SKAP2: variants seen among roughly 807,000 people sequenced by gnomAD.
The protein encoded by SKAP2 is src kinase associated phosphoprotein 2.
A neutral mutation model predicts 54.9 loss-of-function variants in SKAP2; 28 were observed. The ratio of observed to expected loss-of-function variants is 0.51; its 90% confidence interval spans 0.38 to 0.70. SKAP2 has a LOEUF of 0.70. Among genes scored for constraint, SKAP2 ranks in the 30% least tolerant of loss-of-function variants. SKAP2 has a pLI of 0.00. For synonymous variants in SKAP2, 137 were observed against 134.3 expected (o/e 1.02, Z -0.14); for missense variants, 356 against 424.1 (o/e 0.84, Z 1.41).
intron 4 of SKAP2, among the ~76,000 whole-genome samples, chr7:26,835,180 T>C (rs181919700): frequency 2.6e-5 from 4 of 152,314 alleles, no homozygotes; most frequent in East Asian, 1.9e-4. Context: ...AAAGTAGGTA[T>C]TGATGGAATG....
intron 4 of SKAP2, among the ~76,000 whole-genome samples, chr7:26,784,344 C>T (rs513387): frequency 0.28 from 43,025 of 152,094 alleles, 7,451 homozygotes; most frequent in East Asian, 0.45. Context: ...ATCATTCAGA[C>T]CTAAGTTGAT....
intron 6 of SKAP2, among the ~76,000 whole-genome samples, chr7:26,731,477 T>G (rs1304689638): frequency 1.3e-5 from 2 of 152,218 alleles, no homozygotes; most frequent in Non-Finnish European, 2.9e-5. Flanking sequence ...CTTCTTACAT[T>G]ACACTCTCCC....
intron 11 of SKAP2, among the ~76,000 whole-genome samples, chr7:26,674,422 A>G (rs972713230): frequency 1.3e-5 from 2 of 152,198 alleles, no homozygotes; most frequent in Non-Finnish European, 2.9e-5. Flanking sequence ...ATTAACTCCG[A>G]TTAGAAACTT....
intron 4 of SKAP2, among the ~76,000 whole-genome samples, chr7:26,772,809 A>T (rs5012512): frequency 1.3e-5 from 2 of 151,994 alleles, no homozygotes; most frequent in Admixed American, 6.5e-5. Context: ...TAATTGGTGG[A>T]AGTTATAAAA....
At chr7:26,730,733 C>T (rs1787806024) in intron 6 of SKAP2, among the ~76,000 whole-genome samples, 1 of 152,176 alleles carries the variant, frequency 6.6e-6, no homozygotes, top group South Asian at 2.1e-4. Context: ...TAATTTTACA[C>T]AATCCTAATT....
intron 4 of SKAP2, among the ~76,000 whole-genome samples, chr7:26,796,095 T>A (rs1038428155): frequency 2.0e-5 from 3 of 152,168 alleles, no homozygotes; most frequent in Admixed American, 2.0e-4. Context: ...TTTACCACCA[T>A]AAAACATACA....
intron 11 of SKAP2, among the ~76,000 whole-genome samples, chr7:26,672,101 T>C (rs747913911): frequency 3.9e-5 from 6 of 151,968 alleles, no homozygotes; most frequent in African/African-American, 9.7e-5. Flanking sequence ...GTGACAGACA[T>C]AGAAAACATT....
At chr7:26,682,653 C>A (rs1041388989) in intron 11 of SKAP2, among the ~76,000 whole-genome samples, 6 of 152,154 alleles carry the variant, frequency 3.9e-5, no homozygotes, top group Admixed American at 6.5e-5. Flanking sequence ...TCAAGCCTTG[C>A]AAAACACTGG....
In SKAP2 at chr7:26,676,916, G is replaced by C. The variant is rs186480849; in HGVS notation, c.988-6724C>G. Reference sequence around the variant, plus strand: ...AGGAGCAATACATGGCAGGCGTGAAGGCCTGCAGAGATAAAAGAATGTGCT... The same window carrying C: ...AGGAGCAATACATGGCAGGCGTGAACGCCTGCAGAGATAAAAGAATGTGCT... On this transcript the variant is annotated intron_variant, in intron 11 of 12. Transcript: ENST00000345317. Among the ~76,000 whole-genome samples, 12 of 152,324 alleles carry C rather than the reference G, an allele frequency of 7.9e-5. No individual in the cohort carries two copies. The East Asian group carries it at 1.9e-3, about 24-fold the overall frequency.
At chr7:26,655,114 C>A in the SKAP2 span, among the ~76,000 whole-genome samples, 1 of 152,208 alleles carries the variant, frequency 6.6e-6, no homozygotes, top group East Asian at 1.9e-4. Flanking sequence ...CAGTGACTTA[C>A]AGGTAAGAAG....
At chr7:26,756,199 CT>C (rs1782789313) in intron 4 of SKAP2, among the ~76,000 whole-genome samples, 1 of 152,078 alleles carries the variant, frequency 6.6e-6, no homozygotes, top group Admixed American at 6.6e-5. Flanking sequence ...TTTTATTATA[CT>C]TTAAGTTCGG....
At chr7:26,672,169 G>A (rs538922346) in intron 11 of SKAP2, among the ~76,000 whole-genome samples, 49 of 152,110 alleles carry the variant, frequency 3.2e-4, no homozygotes, top group African/African-American at 1.2e-3. Flanking sequence ...CCTCAATCTG[G>A]GGGTCAATGC....
chr7:26,657,434 C>A, the SKAP2 span, among the ~76,000 whole-genome samples: 1 of 152,154 alleles, frequency 6.6e-6, no homozygotes, highest in Non-Finnish European at 1.5e-5. Flanking sequence ...AAAGGCTTCT[C>A]ATTATAGCAT....
intron 4 of SKAP2, among the ~76,000 whole-genome samples, chr7:26,807,378 TAGTG>T (rs370662415): frequency 1.2e-3 from 186 of 152,280 alleles, no homozygotes; most frequent in Admixed American, 3.4e-3. Flanking sequence ...GTTCTTGTGA[TAGTG>T]AGTGAGTTCC....
intron 4 of SKAP2, among the ~76,000 whole-genome samples, chr7:26,795,781 C>T (rs141408959): frequency 3.3e-5 from 5 of 152,094 alleles, no homozygotes; most frequent in African/African-American, 9.7e-5. Context: ...AAAATCTCTC[C>T]CACTACCTGG....
chr7:26,726,911 T>C lies in SKAP2; in HGVS notation c.565A>G (p.Ile189Val), dbSNP rs1159042555. 2 of 1,610,910 alleles carry C rather than the reference T, an allele frequency of 1.2e-6. No individual in the cohort carries two copies. Residue 189 changes from isoleucine to valine, a missense_variant, in exon 7 of 13, where the codon ATC becomes GTC. Coordinates refer to ENST00000345317, the MANE Select transcript of SKAP2 (RefSeq NM_003930.5). ...KDGKKDCCFE[I>V]SAPDKRIYQF... ...TATATACGTTTATCAGGAGCAGAGA[T>C]TTCAAAACAGCAATCTTTCTTTCCA...
intron 11 of SKAP2, among the ~76,000 whole-genome samples, chr7:26,680,267 T>C (rs570354834): frequency 2.0e-4 from 31 of 152,278 alleles, no homozygotes; most frequent in African/African-American, 7.5e-4. Flanking sequence ...CAAAAAGGCA[T>C]TTGGGACCTC....
chr7:26,821,414 G>C (rs1784381244), intron 4 of SKAP2, among the ~76,000 whole-genome samples: 1 of 152,142 alleles, frequency 6.6e-6, no homozygotes, highest in Non-Finnish European at 1.5e-5. Context: ...CTGTAAAATA[G>C]AATCACAGGT....
chr7:26,860,069 A>G (rs1203212415), intron 1 of SKAP2, among the ~76,000 whole-genome samples: 1 of 152,230 alleles, frequency 6.6e-6, no homozygotes, highest in Non-Finnish European at 1.5e-5. Flanking sequence ...AACAGGAGCA[A>G]TAAGCCCATT....
Sources: gnomAD v4.1 joint callset for allele counts (sites outside exome capture counted in the v4.1 genomes callset) on GRCh38, gnomAD v4.1.1 for gene constraint, MANE v1.5 for transcripts, NCBI Gene and HGNC (gene_info 2026-07-23, HGNC 2026-07-21) for gene names.